MEIS2: variants seen among roughly 807,000 people sequenced by gnomAD.
The protein encoded by MEIS2 is homeobox protein Meis2.
In MEIS2, 9 loss-of-function variants were observed where a neutral mutation model predicts 58.6. The ratio of observed to expected loss-of-function variants is 0.15; its 90% CI spans 0.09 to 0.27. The LOEUF (loss-of-function observed/expected upper bound fraction) is 0.27. Among genes scored for constraint, MEIS2 ranks in the 10% least tolerant of loss-of-function variants. The probability of loss-of-function intolerance (pLI) is 1.00; values close to 1 mark genes in which losing one functional copy is unlikely to be tolerated. For synonymous variants in MEIS2, 221 were observed against 228.4 expected, an observed-to-expected ratio of 0.97 and a Z score of 0.29; for missense variants, 427 against 635.0, an observed-to-expected ratio of 0.67 and a Z score of 3.52.
chr15:37,096,534 TA>T, intron 2 of MEIS2, 104 bp from the exon 3 acceptor site: 1 of 1,386,278 alleles, frequency 7.2e-7, no homozygotes, highest in East Asian at 2.4e-5. Context: ...AGTCCTTCTT[TA>T]ATACAACAGG....
At position 37,051,959 on chromosome 15, in the gene MEIS2, C is replaced by T. The variant is rs183782593; in HGVS notation, c.755-15000G>A. On this transcript the variant is annotated intron_variant, in intron 7 of 11. Transcript: ENST00000561208. ...ATGTCATTATAAGATATATTGTTAA[C>T]GAAGAACTATCCAAGTTGCAAAAAA... Among the ~76,000 whole-genome samples, 69 of 144,954 alleles carry T rather than the reference C, an allele frequency of 4.8e-4. No individual in the cohort carries two copies. The East Asian group carries it at 0.013, about 26-fold the overall frequency.
rs187488997 is a variant in MEIS2 at position 36,928,309 on chromosome 15, A to T, written c.977+22015T>A. ...GACGGAGAACAGAAAATGTGACATA[A>T]CAACAATTAAAACAACAACAGTAAC... On this transcript the variant is annotated intron_variant, in intron 9 of 11. Coordinates refer to ENST00000561208, the MANE Select transcript of MEIS2 (RefSeq NM_170675.5). 2.0e-5 allele frequency among the ~76,000 whole-genome samples: 3 copies of T among 152,318 alleles called. No individual in the cohort carries two copies. In the East Asian group the frequency reaches 5.8e-4, roughly 29 times the overall value.
intron 8 of MEIS2, among the ~76,000 whole-genome samples, chr15:36,998,892 G>T (rs73391600): frequency 6.6e-6 from 1 of 152,112 alleles, no homozygotes; most frequent in African/African-American, 2.4e-5. Flanking sequence ...CACTCCAAGT[G>T]CTGGCTGAAA....
At chr15:37,078,276 G>T (rs968844222) in intron 7 of MEIS2, among the ~76,000 whole-genome samples, 1 of 152,000 alleles carries the variant, frequency 6.6e-6, no homozygotes, top group African/African-American at 2.4e-5. Context: ...CACTGGCCGT[G>T]AGTGGGAATG....
chr15:36,969,655 T>C (rs2141458617), intron 8 of MEIS2, among the ~76,000 whole-genome samples: 1 of 152,326 alleles, frequency 6.6e-6, no homozygotes, highest in African/African-American at 2.4e-5. Flanking sequence ...TTTCAAATAC[T>C]AATGAAAAGT....
At chr15:37,008,972 A>G (rs1444607127) in intron 8 of MEIS2, among the ~76,000 whole-genome samples, 1 of 152,146 alleles carries the variant, frequency 6.6e-6, no homozygotes, top group East Asian at 1.9e-4. Flanking sequence ...TAACCCATAA[A>G]AGTATGGTCT....
At chr15:37,096,195 G>T in intron 3 of MEIS2, 94 bp downstream of exon 3, 1 of 1,344,622 alleles carries the variant, frequency 7.4e-7, no homozygotes, top group Non-Finnish European at 1.0e-6. Flanking sequence ...CAGATAGGGT[G>T]TCCCTGGCCT....
At position 36,996,434 on chromosome 15, in the gene MEIS2, T is replaced by A. The variant is rs1043613889; in HGVS notation, c.900+40380A>T. Among the ~76,000 whole-genome samples the A allele has an allele frequency of 3.9e-5, 6 of 152,152 alleles. No homozygotes were observed. In the South Asian group the frequency reaches 1.0e-3, roughly 26 times the overall value. On this transcript the variant is annotated intron_variant, in intron 8 of 11. Coordinates refer to ENST00000561208, the MANE Select transcript of MEIS2 (RefSeq NM_170675.5). Reference sequence around the variant, plus strand: ...CCTCCCCTATTTTTTTTATCGAGATTGGGAAAATTAATAATGGAAATTTGT... The same window carrying A: ...CCTCCCCTATTTTTTTTATCGAGATAGGGAAAATTAATAATGGAAATTTGT...
At chr15:36,944,473 T>A (rs1723430350) in intron 9 of MEIS2, among the ~76,000 whole-genome samples, 1 of 152,080 alleles carries the variant, frequency 6.6e-6, no homozygotes, top group Non-Finnish European at 1.5e-5. Context: ...ATGCTCTAGT[T>A]TAGCAAAAGA....
At chr15:37,095,011 C>T (rs1021283593) in intron 4 of MEIS2, 1 of 155,792 alleles carries the variant, frequency 6.4e-6, no homozygotes, top group Admixed American at 6.4e-5. Flanking sequence ...GCATACCCAG[C>T]GAAATCCTTC....
Position 36,891,996 on chromosome 15 carries a change from G to T in MEIS2, c.*177C>A. The T allele has an allele frequency of 1.5e-6, 1 of 688,012 alleles. No individual in the cohort carries two copies. Among genetic ancestry groups the T allele is most frequent in the Non-Finnish European group, 2.5e-6 (1 of 399,558 alleles). 42.6% of individuals were successfully genotyped at this position (688,012 alleles called of 1,614,324 possible). ...GACAGAATTGTCTCAGTCAGCCCATGATTTCACATTTGTGTTCTTGTTGCA... is the reference window on the plus strand; with the variant it reads ...GACAGAATTGTCTCAGTCAGCCCATTATTTCACATTTGTGTTCTTGTTGCA... On this transcript the variant is annotated 3_prime_UTR_variant, in exon 12 of 12. Transcript: ENST00000561208.
At chr15:36,978,723 G>C (rs563320502) in intron 8 of MEIS2, among the ~76,000 whole-genome samples, 1 of 151,932 alleles carries the variant, frequency 6.6e-6, no homozygotes, top group Non-Finnish European at 1.5e-5. Flanking sequence ...GGCTCATACT[G>C]CATATACTCT....
chr15:37,026,226 TCATC>T (rs2061700128), intron 8 of MEIS2, among the ~76,000 whole-genome samples: 1 of 152,190 alleles, frequency 6.6e-6, no homozygotes, highest in Non-Finnish European at 1.5e-5. Context: ...AATCTAGCAT[TCATC>T]TTTTCTATTG....
intron 7 of MEIS2, among the ~76,000 whole-genome samples, chr15:37,046,730 CTTTG>C (rs1379505887): frequency 6.6e-6 from 1 of 152,090 alleles, no homozygotes; most frequent in Non-Finnish European, 1.5e-5. Context: ...CATAAAATGG[CTTTG>C]TTTATTGACT....
intron 8 of MEIS2, among the ~76,000 whole-genome samples, chr15:37,018,895 C>T (rs910086607): frequency 4.6e-5 from 7 of 152,144 alleles, no homozygotes; most frequent in African/African-American, 9.7e-5. Flanking sequence ...GTGGCCCCAT[C>T]GCTAATGGTT....
intron 6 of MEIS2, among the ~76,000 whole-genome samples, chr15:37,089,168 G>A (rs767141110): frequency 2.6e-5 from 4 of 152,184 alleles, no homozygotes; most frequent in Admixed American, 2.0e-4. Context: ...GAACTTTATC[G>A]GAATAGGCCC....
At chr15:36,910,822 G>A (rs1262509299) in intron 9 of MEIS2, among the ~76,000 whole-genome samples, 4 of 152,056 alleles carry the variant, frequency 2.6e-5, no homozygotes, top group Non-Finnish European at 5.9e-5. Context: ...CTAGGCGGGC[G>A]GATCACGAGG....
intron 5 of MEIS2, chr15:37,094,153 G>A (rs886833473): frequency 8.2e-5 from 23 of 280,732 alleles, no homozygotes; most frequent in Middle Eastern, 1.1e-3. Flanking sequence ...GCAGAGCAAT[G>A]TAAAGACACC....
chr15:37,067,705 T>C (rs1421763104), intron 7 of MEIS2, among the ~76,000 whole-genome samples: 1 of 152,136 alleles, frequency 6.6e-6, no homozygotes, highest in African/African-American at 2.4e-5. Context: ...TGAAGCCTTT[T>C]CCTGAGACTC....
Sources: allele counts gnomAD v4.1 joint callset (sites outside exome capture counted in the v4.1 genomes callset), GRCh38; gene constraint gnomAD v4.1.1; transcripts MANE v1.5; gene names NCBI Gene and HGNC (gene_info 2026-07-23, HGNC 2026-07-21).